FAT4: variants seen among roughly 807,000 people sequenced by gnomAD.
FAT4 encodes the protein FAT atypical cadherin 4.
In FAT4, 84 loss-of-function variants were observed where a neutral mutation model predicts 303.9. The observed-to-expected ratio is 0.28, with a 90% CI of 0.23 to 0.33. The LOEUF (loss-of-function observed/expected upper bound fraction) is 0.33. Ranked by LOEUF, FAT4 falls within the 10% of genes least tolerant of loss-of-function variation. The pLI is 1.00. For synonymous variants in FAT4, 2,307 were observed against 2,298.8 expected (o/e 1.00, Z -0.10); for missense variants, 6,005 against 6,146.8 (o/e 0.98, Z 0.77).
intron 2 of FAT4, among the ~76,000 whole-genome samples, chr4:125,327,583 T>C (rs1317641758): frequency 6.6e-6 from 1 of 152,174 alleles, no homozygotes; most frequent in Non-Finnish European, 1.5e-5. Context: ...TACAAATGTG[T>C]ATGACAAACA....
intron 11 of FAT4, among the ~76,000 whole-genome samples, chr4:125,464,659 C>G (rs60299560): frequency 6.6e-6 from 1 of 152,176 alleles, no homozygotes; most frequent in African/African-American, 2.4e-5. Context: ...CTAATGCTAT[C>G]CCTCCCCCCT....
intron 2 of FAT4, among the ~76,000 whole-genome samples, chr4:125,332,229 C>G (rs1731413643): frequency 1.6e-5 from 2 of 122,054 alleles, no homozygotes; most frequent in African/African-American, 6.1e-5. Context: ...TTTTTATGTT[C>G]ATTTTAAGGA....
chr4:125,460,415 C>T (rs759498945), intron 10 of FAT4, among the ~76,000 whole-genome samples: 2 of 151,876 alleles, frequency 1.3e-5, no homozygotes, highest in South Asian at 2.1e-4. Flanking sequence ...AGTGATCTTT[C>T]CTGCTCCCCT....
rs552487853 is a variant in FAT4, at chr4:125,318,118, A to G, written c.1707A>G (p.Val569=). 2.5e-6 allele frequency: 4 copies of G among 1,614,160 alleles called. No homozygotes were observed. Among genetic ancestry groups the G allele is most frequent in the Admixed American group, 3.3e-5 (2 of 60,018 alleles). The part of the protein sequence containing the change: ...VHPKVSYAQL[V]VTLLDVNDEK... Reference sequence around the variant, plus strand: ...CCAAGGTGTCCTATGCCCAGCTTGTAGTAACTCTCCTAGATGTGAATGATG... The same window carrying G: ...CCAAGGTGTCCTATGCCCAGCTTGTGGTAACTCTCCTAGATGTGAATGATG... The change falls in exon 2 of 18, where the codon GTA becomes GTG. Residue 569 remains valine, a synonymous_variant. Transcript: ENST00000394329.
intron 16 of FAT4, among the ~76,000 whole-genome samples, chr4:125,486,634 A>G (rs1350777509): frequency 1.3e-5 from 2 of 152,154 alleles, no homozygotes; most frequent in African/African-American, 4.8e-5. Flanking sequence ...GAAACTCGGT[A>G]GCTGGAAACT....
intron 7 of FAT4, among the ~76,000 whole-genome samples, chr4:125,430,658 T>TG (rs200435629): frequency 3.5e-4 from 2 of 5,712 alleles, no homozygotes; most frequent in African/African-American, 6.0e-4. Flanking sequence ...TTTCTTGAGG[T>TG]GGGAAAAAAA....
Position 125,479,751 on chromosome 4 carries a change from C to T in FAT4, c.12490C>T (p.Leu4164=). The stretch of plus-strand genomic sequence containing the variant: ...TATGATTTATTTTAGATGCCCTAGG[C>T]TGGAAGGCGCTTGTACTCGCAGCCC... ...AQGILDQCPR[L]EGACTRSPCQ... Residue 4164 remains leucine (L), a synonymous_variant, in exon 15 of 18, where the codon CTG becomes TTG. Coordinates refer to ENST00000394329, the MANE Select transcript of FAT4 (RefSeq NM_001291303.3). The T allele has an allele frequency of 6.3e-7, 1 of 1,592,458 alleles. No homozygotes were observed. The highest frequency in any genetic ancestry group is 8.6e-7 in the Non-Finnish European group (1 of 1,164,714).
At chr4:125,387,018 C>A (rs1395951207) in intron 2 of FAT4, among the ~76,000 whole-genome samples, 2 of 152,086 alleles carry the variant, frequency 1.3e-5, no homozygotes, top group African/African-American at 4.8e-5. Flanking sequence ...GCACCATTCA[C>A]AATAGGGTCC....
intron 2 of FAT4, among the ~76,000 whole-genome samples, chr4:125,348,422 A>C (rs1393825736): frequency 6.6e-6 from 1 of 151,664 alleles, no homozygotes; most frequent in Non-Finnish European, 1.5e-5. Flanking sequence ...TTCTGATCTC[A>C]TGTGTCCTGC....
chr4:125,483,376 A>C (rs1194290499), intron 16 of FAT4, among the ~76,000 whole-genome samples: 1 of 152,232 alleles, frequency 6.6e-6, no homozygotes, highest in Admixed American at 6.5e-5. Context: ...TCTGTGTGTT[A>C]TCTGTTAAGT....
intron 7 of FAT4, among the ~76,000 whole-genome samples, chr4:125,425,919 G>A (rs559063171): frequency 1.3e-5 from 2 of 152,160 alleles, no homozygotes; most frequent in African/African-American, 4.8e-5. Context: ...CTAATTAAGG[G>A]CATTTATCAT....
intron 8 of FAT4, among the ~76,000 whole-genome samples, chr4:125,439,797 G>T (rs189385712): frequency 6.6e-6 from 1 of 152,048 alleles, no homozygotes; most frequent in Non-Finnish European, 1.5e-5. Flanking sequence ...ATAAGTTAGC[G>T]TATCTACAGA....
chr4:125,464,029 A>G (rs1461058044), intron 11 of FAT4, among the ~76,000 whole-genome samples: 1 of 152,174 alleles, frequency 6.6e-6, no homozygotes, highest in Non-Finnish European at 1.5e-5. Context: ...AGAGTAGTCA[A>G]AGTAAGGTTT....
At chr4:125,487,999 C>A (rs183575150) in intron 17 of FAT4, among the ~76,000 whole-genome samples, 181 of 152,194 alleles carry the variant, frequency 1.2e-3, no homozygotes, top group Non-Finnish European at 1.9e-3. Context: ...AAACATTAAT[C>A]AAATTCTTAC....
chr4:125,477,668 TGTA>T (rs1360380220), intron 14 of FAT4, among the ~76,000 whole-genome samples: 1 of 151,752 alleles, frequency 6.6e-6, no homozygotes, highest in Non-Finnish European at 1.5e-5. Flanking sequence ...CAGAGAGATA[TGTA>T]GATGTTAGCC....
chr4:125,323,456 C>CAT (rs1731033532), intron 2 of FAT4, among the ~76,000 whole-genome samples: 1 of 152,026 alleles, frequency 6.6e-6, no homozygotes, highest in Non-Finnish European at 1.5e-5. Context: ...GAAAAGTTAT[C>CAT]ATATATACTA....
Position 125,317,325 on chromosome 4 carries a change from T to G in FAT4, c.914T>G (p.Ile305Ser). The stretch of plus-strand genomic sequence containing the variant: ...CAAATGGACCCTGAGACGGGACTTA[T>G]CACGGTGCGGGAGCCCCTGGACTTC... ...PFQMDPETGL[I>S]TVREPLDFEA... Residue 305 changes from isoleucine (I) to serine (S), a missense_variant, in exon 2 of 18, where the codon ATC becomes AGC. By Grantham distance (142) the Ile-to-Ser change is moderately radical (BLOSUM62 -2). Transcript: ENST00000394329. This position sits in a 1 kb window ranked among gnomAD's most constrained non-coding sequence, Gnocchi z 7.0. The G allele has an allele frequency of 6.2e-7, 1 of 1,609,498 alleles. No homozygotes were observed. Among genetic ancestry groups the G allele is most frequent in the Non-Finnish European group, 8.5e-7 (1 of 1,177,046 alleles).
chr4:125,421,038 C>A (rs1051088766), intron 7 of FAT4, among the ~76,000 whole-genome samples: 1 of 152,150 alleles, frequency 6.6e-6, no homozygotes, highest in Non-Finnish European at 1.5e-5. Flanking sequence ...TCAAACAATT[C>A]TCCTGCCTCA....
intron 2 of FAT4, chr4:125,393,801 G>A: frequency 1.9e-6 from 1 of 515,164 alleles, no homozygotes; most frequent in Non-Finnish European, 3.5e-6. Context: ...GATCATTTGT[G>A]AACTAATTGG....
Sources: allele counts gnomAD v4.1 joint callset (sites outside exome capture counted in the v4.1 genomes callset), GRCh38; gene constraint gnomAD v4.1.1; non-coding constraint Gnocchi (gnomAD v3.1); transcripts MANE v1.5; gene names NCBI Gene and HGNC (gene_info 2026-07-23, HGNC 2026-07-21).